Variants in HDAC9 observed in about 807,000 individuals in gnomAD.
HDAC9 encodes histone deacetylase 9, also known as MEF-2 interacting transcription repressor (MITR) protein.
A neutral mutation model predicts 139.4 loss-of-function variants in HDAC9; 41 were observed. The ratio of observed to expected loss-of-function variants is 0.29; its 90% confidence interval spans 0.23 to 0.38. The LOEUF (loss-of-function observed/expected upper bound fraction) is 0.38, where lower values mean the gene tolerates loss of function less well. Ranked by LOEUF, HDAC9 falls within the 10% of genes least tolerant of loss-of-function variation. HDAC9 has a pLI of 1.00. For missense variants in HDAC9, 1,147 were observed against 1,297.0 expected (o/e 0.88, Z 1.78); for synonymous variants, 517 against 476.2 (o/e 1.09, Z -1.12).
chr7:18,724,426 A>G (rs186226088), intron 12 of HDAC9, among the ~76,000 whole-genome samples: 4 of 152,304 alleles, frequency 2.6e-5, no homozygotes, highest in Non-Finnish European at 2.9e-5. Flanking sequence ...AATACAGTTT[A>G]TTATAAAAGG....
chr7:18,177,161 T>C (rs1004533898), intron 2 of HDAC9, among the ~76,000 whole-genome samples: 4 of 152,180 alleles, frequency 2.6e-5, no homozygotes, highest in Admixed American at 6.5e-5. Flanking sequence ...CAGAAAAGAT[T>C]TGGGGTCTAT....
At chr7:18,636,255 A>C (rs1783849773) in intron 8 of HDAC9, among the ~76,000 whole-genome samples, 1 of 152,096 alleles carries the variant, frequency 6.6e-6, no homozygotes, top group African/African-American at 2.4e-5. Context: ...TACATTGATT[A>C]GTTGACTGCC....
chr7:18,752,641 ACAATTTCCTCT>A (rs761591382), intron 14 of HDAC9, among the ~76,000 whole-genome samples: 38 of 152,132 alleles, frequency 2.5e-4, no homozygotes, highest in Non-Finnish European at 4.3e-4. Context: ...AGCAGTATGA[ACAATTTCCTCT>A]CTTTGTTGTG....
At chr7:18,929,468 A>C (rs1419195027) in intron 22 of HDAC9, among the ~76,000 whole-genome samples, 1 of 152,048 alleles carries the variant, frequency 6.6e-6, no homozygotes, top group Non-Finnish European at 1.5e-5. Context: ...ATCAAAAGAA[A>C]TGATTTGTTA....
chr7:18,855,084 G>A (rs146952566), intron 21 of HDAC9, among the ~76,000 whole-genome samples: 2 of 152,236 alleles, frequency 1.3e-5, no homozygotes, highest in African/African-American at 2.4e-5. Context: ...GCTAGAAGGC[G>A]TCCCTTAATC....
chr7:18,343,842 C>T (rs1224230519), intron 1 of HDAC9, among the ~76,000 whole-genome samples: 1 of 151,730 alleles, frequency 6.6e-6, no homozygotes, highest in Non-Finnish European at 1.5e-5. Flanking sequence ...CAAAAAGAAT[C>T]ATAGTATTGT....
At chr7:18,128,496 G>A (rs1212082872) in intron 1 of HDAC9, among the ~76,000 whole-genome samples, 2 of 151,942 alleles carry the variant, frequency 1.3e-5, no homozygotes, top group Non-Finnish European at 2.9e-5. Context: ...CAACAGAGTT[G>A]GGAAGCCTCA....
At chr7:18,661,876 G>C (rs1289778492) in intron 11 of HDAC9, among the ~76,000 whole-genome samples, 1 of 152,072 alleles carries the variant, frequency 6.6e-6, no homozygotes, top group African/African-American at 2.4e-5. Flanking sequence ...ATCAAAAATT[G>C]TTATATATAC....
intron 2 of HDAC9, among the ~76,000 whole-genome samples, chr7:18,515,267 T>G (rs1184481774): frequency 1.3e-5 from 2 of 152,266 alleles, no homozygotes; most frequent in Non-Finnish European, 2.9e-5. Context: ...GAAATTTTTC[T>G]TTCATATGTT....
chr7:18,469,011 C>T (rs1167473563), intron 1 of HDAC9, among the ~76,000 whole-genome samples: 1 of 152,188 alleles, frequency 6.6e-6, no homozygotes, highest in East Asian at 1.9e-4. Context: ...CTTACTCATC[C>T]TGCCATTTCT....
At chr7:18,257,614 G>A (rs1436336275) in intron 2 of HDAC9, among the ~76,000 whole-genome samples, 1 of 152,060 alleles carries the variant, frequency 6.6e-6, no homozygotes, top group African/African-American at 2.4e-5. Flanking sequence ...ACTGTCTGTA[G>A]TATAAAAACA....
At position 18,783,014 on chromosome 7, in the gene HDAC9, G is replaced by T. The variant is rs1182409792; in HGVS notation, c.2215-10331G>T. ...CCTAAAAGAATAGGATAAAGTAGAG[G>T]AGGATTTGCCCAAAGCTTGCTTCCT... is the stretch of plus-strand genomic sequence containing the variant. On this transcript the variant is annotated intron_variant, in intron 16 of 25. Transcript: ENST00000686413. Among the ~76,000 whole-genome samples the T allele has an allele frequency of 2.0e-5, 3 of 152,048 alleles. 1 individual carries two copies. The highest frequency in any genetic ancestry group is 4.1e-4 in the South Asian group (2 of 4,828).
At chr7:18,121,610 T>G (rs1562642255) in intron 1 of HDAC9, among the ~76,000 whole-genome samples, 1 of 151,698 alleles carries the variant, frequency 6.6e-6, no homozygotes, top group Non-Finnish European at 1.5e-5. Context: ...TAATCAACAT[T>G]CAATAATTGA....
chr7:18,460,556 G>A (rs1205360171), intron 1 of HDAC9, among the ~76,000 whole-genome samples: 4 of 151,392 alleles, frequency 2.6e-5, no homozygotes, highest in Non-Finnish European at 5.9e-5. Context: ...AGGCTGAGGC[G>A]GGTGGATAAC....
chr7:18,281,998 G>A (rs1797136189), intron 2 of HDAC9, among the ~76,000 whole-genome samples: 1 of 152,084 alleles, frequency 6.6e-6, no homozygotes, highest in African/African-American at 2.4e-5. Context: ...TGACTCAATA[G>A]GATTATGGAT....
chr7:18,657,597 G>T (rs1791643671), intron 11 of HDAC9, among the ~76,000 whole-genome samples: 1 of 152,022 alleles, frequency 6.6e-6, no homozygotes, highest in East Asian at 1.9e-4. Context: ...TATAAAAGAA[G>T]GGAAAACTGC....
At chr7:18,718,728 G>A (rs1278250330) in intron 12 of HDAC9, among the ~76,000 whole-genome samples, 4 of 152,142 alleles carry the variant, frequency 2.6e-5, no homozygotes, top group African/African-American at 9.7e-5. Flanking sequence ...GTGCTGCTAT[G>A]AACACTCAAG....
At chr7:18,766,544 G>A (rs1789847618) in intron 15 of HDAC9, among the ~76,000 whole-genome samples, 3 of 152,070 alleles carry the variant, frequency 2.0e-5, no homozygotes, top group Non-Finnish European at 2.9e-5. Context: ...GTGGCCTATG[G>A]TGTACTTGGC....
At chr7:18,717,014 G>A (rs1205928195) in intron 12 of HDAC9, among the ~76,000 whole-genome samples, 1 of 67,514 alleles carries the variant, frequency 1.5e-5, no homozygotes, top group African/African-American at 8.1e-5. Context: ...TTTTTTTTTG[G>A]TATTTTGTTC....
Sources: allele counts gnomAD v4.1 joint callset (sites outside exome capture counted in the v4.1 genomes callset), GRCh38; gene constraint gnomAD v4.1.1; transcripts MANE v1.5; gene names NCBI Gene and HGNC (gene_info 2026-07-23, HGNC 2026-07-21).